Variants in SCIN observed in about 807,000 individuals in gnomAD.
SCIN encodes the protein adseverin.
A neutral mutation model predicts 91.8 loss-of-function variants in SCIN; 91 were observed. That is an observed-to-expected ratio of 0.99 (90% CI 0.84 to 1.18). The LOEUF (loss-of-function observed/expected upper bound fraction) is 1.18, where lower values mean the gene tolerates loss of function less well. Ranked by LOEUF, SCIN falls within the 50% of genes most tolerant of loss-of-function variation. SCIN has a pLI of 0.00. For missense variants in SCIN, 1,087 were observed against 863.9 expected (o/e 1.26, Z -3.24); for synonymous variants, 367 against 312.6 (o/e 1.17, Z -1.84).
intron 9 of SCIN, among the ~76,000 whole-genome samples, chr7:12,632,083 CATTTTATTTTATTTTATTTT>C (rs55811230): frequency 0.054 from 6,552 of 120,692 alleles, 515 homozygotes; most frequent in African/African-American, 0.17. Flanking sequence ...GATTGGTTTT[CATTTTATTTTATTTTATTTT>C]ATTTTATTTT....
intron 4 of SCIN, among the ~76,000 whole-genome samples, chr7:12,607,500 A>T (rs1783102190): frequency 6.6e-6 from 1 of 152,258 alleles, no homozygotes; most frequent in Admixed American, 6.5e-5. Flanking sequence ...GCAAAAATAT[A>T]ATTTGGCTTT....
In SCIN at chr7:12,644,305, C is replaced by G. The variant is rs369378047; in HGVS notation, c.1749C>G (p.Gly583=). Residue 583 remains glycine, a synonymous_variant, in exon 12 of 16, where the codon GGC becomes GGG. Transcript: ENST00000297029. ...GCAAAACCTTAAGGATCCAAGAAGG[C>G]GAGGAGCCAGGTGTGTGCTCTGGGG... ...LKCKTLRIQE[G]EEPEEFWNSL... is the part of the protein sequence containing the mutation. 14 of 1,583,438 alleles carry G rather than the reference C, an allele frequency of 8.8e-6. No individual in the cohort carries two copies. The highest frequency in any genetic ancestry group is 1.7e-4 in the Middle Eastern group (1 of 6,024).
intron 2 of SCIN, among the ~76,000 whole-genome samples, chr7:12,580,807 G>T (rs995708545): frequency 2.6e-5 from 4 of 152,188 alleles, no homozygotes; most frequent in East Asian, 1.9e-4. Context: ...TACACTGAAG[G>T]TTCTCAGTAA....
At chr7:12,611,379 A>T (rs1030744952) in intron 4 of SCIN, among the ~76,000 whole-genome samples, 1 of 152,218 alleles carries the variant, frequency 6.6e-6, no homozygotes, top group African/African-American at 2.4e-5. Flanking sequence ...TACCAAATCA[A>T]ATTGGAATTT....
intron 4 of SCIN, among the ~76,000 whole-genome samples, chr7:12,616,561 G>A (rs1225681932): frequency 1.3e-5 from 2 of 152,080 alleles, no homozygotes; most frequent in African/African-American, 2.4e-5. Context: ...TCCAAACAGC[G>A]AAAACACTGC....
At chr7:12,616,225 G>A (rs1783296797) in intron 4 of SCIN, among the ~76,000 whole-genome samples, 1 of 152,150 alleles carries the variant, frequency 6.6e-6, no homozygotes, top group Non-Finnish European at 1.5e-5. Flanking sequence ...CCCCAGCGGT[G>A]AGAGGAGAAT....
chr7:12,582,402 T>C (rs775093351), intron 3 of SCIN, among the ~76,000 whole-genome samples: 2 of 152,204 alleles, frequency 1.3e-5, no homozygotes, highest in African/African-American at 4.8e-5. Flanking sequence ...AGGTTATACA[T>C]TGTTTAGAAA....
chr7:12,604,567 A>T lies in SCIN; in HGVS notation c.570A>T (p.Ala190=). Reference sequence around the variant, plus strand: ...GCAACAAATATGAACGTCTGAAGGCAAACCAGGTAGCTACTGGCATTCGGT... The same window carrying T: ...GCAACAAATATGAACGTCTGAAGGCTAACCAGGTAGCTACTGGCATTCGGT... ...SSCNKYERLK[A]NQVATGIRYN... The change falls in exon 4 of 16, where the codon GCA becomes GCT. Residue 190 remains alanine, a synonymous_variant. Transcript: ENST00000297029. 1 of 1,552,016 alleles carries T rather than the reference A, an allele frequency of 6.4e-7. No homozygotes were observed. The highest frequency in any genetic ancestry group is 8.7e-7 in the Non-Finnish European group (1 of 1,147,046).
At chr7:12,624,907 T>G in intron 5 of SCIN, 103 bp from the exon 6 acceptor site, 2 of 1,151,770 alleles carry the variant, frequency 1.7e-6, no homozygotes, top group Non-Finnish European at 2.4e-6. Flanking sequence ...ATGCTTTTTA[T>G]TTGATGACAT....
intron 4 of SCIN, among the ~76,000 whole-genome samples, chr7:12,619,307 C>A (rs1354001253): frequency 6.6e-6 from 1 of 152,066 alleles, no homozygotes; most frequent in Non-Finnish European, 1.5e-5. Context: ...GAAACCACAT[C>A]TTGAGAACAA....
intron 3 of SCIN, chr7:12,596,242 CA>C (rs1782838507): frequency 1.7e-5 from 7 of 407,662 alleles, no homozygotes; most frequent in African/African-American, 6.1e-5. Flanking sequence ...GTACACATGC[CA>C]ACCTGAGTCT....
intron 9 of SCIN, among the ~76,000 whole-genome samples, chr7:12,629,596 C>A (rs1323673431): frequency 4.6e-5 from 7 of 152,166 alleles, no homozygotes; most frequent in Non-Finnish European, 1.5e-5. Context: ...CTAATTGGAA[C>A]TGCAAAGTTG....
intron 3 of SCIN, among the ~76,000 whole-genome samples, chr7:12,588,246 G>A (rs1365601094): frequency 6.6e-6 from 1 of 152,138 alleles, no homozygotes; most frequent in Non-Finnish European, 1.5e-5. Flanking sequence ...GGGATGAATG[G>A]CATTTATTCT....
At chr7:12,597,729 T>G (rs1235719553) in intron 3 of SCIN, among the ~76,000 whole-genome samples, 1 of 152,248 alleles carries the variant, frequency 6.6e-6, no homozygotes, top group Non-Finnish European at 1.5e-5. Context: ...TTCTTGTAAC[T>G]AGTGGACCAG....
intron 1 of SCIN, among the ~76,000 whole-genome samples, chr7:12,571,790 C>T (rs1482008948): frequency 2.0e-5 from 3 of 152,154 alleles, no homozygotes; most frequent in Non-Finnish European, 4.4e-5. Context: ...TTTTGAGCTG[C>T]GTTCGTGCCA....
intron 9 of SCIN, among the ~76,000 whole-genome samples, chr7:12,633,131 C>G (rs545752222): frequency 2.8e-4 from 42 of 151,876 alleles, no homozygotes; most frequent in African/African-American, 9.9e-4. Context: ...AATACAGGGA[C>G]ATAAACAGGT....
chr7:12,572,863 A>C (rs760561973), intron 1 of SCIN, among the ~76,000 whole-genome samples: 7 of 152,352 alleles, frequency 4.6e-5, no homozygotes, highest in Non-Finnish European at 8.8e-5. Context: ...GCACTTGTGG[A>C]TATGAATAAT....
At chr7:12,578,029 C>T (rs1782410992) in intron 1 of SCIN, 35 bp from the exon 2 acceptor site, 2 of 1,490,862 alleles carry the variant, frequency 1.3e-6, no homozygotes, top group Non-Finnish European at 1.8e-6. Context: ...CTTTCTCTTG[C>T]TTGATAATTG....
Position 12,628,534 on chromosome 7 carries a change from T to C in SCIN, c.1198-567T>C, listed in dbSNP as rs1394550418. The stretch of plus-strand genomic sequence containing the variant: ...TTCACTCATGAAGGCTCCAGCCTCA[T>C]GACCTAATTACCTCCCAAAGGTCCC... On this transcript the variant is annotated intron_variant, in intron 8 of 15. Transcript: ENST00000297029. Among the ~76,000 whole-genome samples the C allele has an allele frequency of 2.0e-5, 3 of 152,170 alleles. No individual in the cohort carries two copies. The East Asian group carries it at 5.8e-4, about 29-fold the overall frequency.
Sources: allele counts gnomAD v4.1 joint callset (sites outside exome capture counted in the v4.1 genomes callset), GRCh38; gene constraint gnomAD v4.1.1; transcripts MANE v1.5; gene names NCBI Gene and HGNC (gene_info 2026-07-23, HGNC 2026-07-21).